Variants in CFAP36 observed in about 807,000 individuals in gnomAD.
The protein encoded by CFAP36 is cilia and flagella associated protein 36, also known as cilia- and flagella-associated protein 36.
A neutral mutation model predicts 50.5 loss-of-function variants in CFAP36; 37 were observed. The ratio of observed to expected loss-of-function variants is 0.73; its 90% confidence interval spans 0.56 to 0.96. CFAP36 has a LOEUF of 0.96. Among genes scored for constraint, CFAP36 ranks in the 50% least tolerant of loss-of-function variants. CFAP36 has a pLI of 0.00. For synonymous variants in CFAP36, 138 were observed against 128.2 expected, an observed-to-expected ratio of 1.08 and a Z score of -0.52; for missense variants, 407 against 396.2, an observed-to-expected ratio of 1.03 and a Z score of -0.23.
At chr2:55,537,663 C>CTT in intron 7 of CFAP36, 78 bp downstream of exon 7, 1 of 894,858 alleles carries the variant, frequency 1.1e-6, no homozygotes, top group Non-Finnish European at 1.7e-6. Flanking sequence ...CTTTCTCATA[C>CTT]TTATTTAACT....
intron 7 of CFAP36, among the ~76,000 whole-genome samples, chr2:55,540,596 T>C (rs1684611834): frequency 1.3e-5 from 2 of 152,204 alleles, no homozygotes; most frequent in South Asian, 4.1e-4. Context: ...TCCATATAAA[T>C]GTTAGAATCT....
Position 55,544,073 on chromosome 2 carries a change from C to T in CFAP36, c.776C>T (p.Ala259Val). Residue 259 changes from alanine to valine, a missense_variant and splice_region_variant, in exon 8 of 10, where the codon GCA becomes GTA. Transcript: ENST00000349456. ...CATGCGAGCATTGAAGGACCAATAG[C>T]AGTAAGTAAACGACATCACTTAAGA... is the stretch of plus-strand genomic sequence containing the variant. ...LEHASIEGPI[A>V]NLSVLGTEEL... is the part of the protein sequence containing the mutation. 1 of 1,613,548 alleles carries T rather than the reference C, an allele frequency of 6.2e-7. No individual in the cohort carries two copies. Among genetic ancestry groups the T allele is most frequent in the Non-Finnish European group, 8.5e-7 (1 of 1,179,870 alleles).
chr2:55,533,694 C>CA (rs67734632), intron 4 of CFAP36, among the ~76,000 whole-genome samples, 179 bp from the exon 5 acceptor site: 376 of 139,990 alleles, frequency 2.7e-3, no homozygotes, highest in African/African-American at 7.9e-3. Flanking sequence ...GACTCTGTCT[C>CA]AAAAAAAAAA....
intron 7 of CFAP36, among the ~76,000 whole-genome samples, chr2:55,541,129 T>C (rs368867390): frequency 6.6e-4 from 101 of 152,146 alleles, no homozygotes; most frequent in African/African-American, 2.0e-3. Flanking sequence ...TTGCGACCAG[T>C]GTGGCCAACA....
chr2:55,527,910 C>T (rs554418425), intron 3 of CFAP36, among the ~76,000 whole-genome samples: 293 of 152,044 alleles, frequency 1.9e-3, no homozygotes, highest in African/African-American at 6.6e-3. Flanking sequence ...TGGCTCATGC[C>T]TATAATTCCA....
At chr2:55,535,084 T>C (rs532902790) in intron 5 of CFAP36, among the ~76,000 whole-genome samples, 15 of 152,334 alleles carry the variant, frequency 9.8e-5, no homozygotes, top group African/African-American at 3.6e-4. Context: ...TGTTGGTTGA[T>C]TGGTGGCCTG....
At chr2:55,543,852 C>T (rs1684702670) in intron 7 of CFAP36, 86 bp from the exon 8 acceptor site, 1 of 1,268,130 alleles carries the variant, frequency 7.9e-7, no homozygotes, top group African/African-American at 1.5e-5. Context: ...GTATTATTAA[C>T]ATTAGCTCAT....
intron 5 of CFAP36, among the ~76,000 whole-genome samples, chr2:55,535,363 T>C (rs1362896530): frequency 3.3e-5 from 5 of 152,210 alleles, no homozygotes; most frequent in South Asian, 2.1e-4. Flanking sequence ...AGGGGTGTAA[T>C]TGATCACTCT....
intron 7 of CFAP36, chr2:55,539,319 T>C (rs1353865705): frequency 6.6e-6 from 1 of 152,410 alleles, no homozygotes; most frequent in Admixed American, 6.5e-5. Context: ...CTTTTACTGT[T>C]TCCACAGTTT....
rs781369745 is a variant in CFAP36, at chr2:55,544,052, C to A, written c.755C>A (p.Ala252Glu). Reference sequence around the variant, plus strand: ...CTGAAGATTCCTGGCTTAGAGCATGCGAGCATTGAAGGACCAATAGCAGTA... The same window carrying A: ...CTGAAGATTCCTGGCTTAGAGCATGAGAGCATTGAAGGACCAATAGCAGTA... Reference protein sequence around the residue: ...KDLKIPGLEHASIEGPIANLS... With the variant: ...KDLKIPGLEHESIEGPIANLS... Residue 252 changes from alanine (A) to glutamate (E), a missense_variant, in exon 8 of 10, where the codon GCG becomes GAG. Ala to Glu is a moderately radical substitution (Grantham distance 107). Transcript: ENST00000349456. 35 of 1,613,716 alleles carry A rather than the reference C, an allele frequency of 2.2e-5. No individual in the cohort carries two copies. Among genetic ancestry groups the A allele is most frequent in the Non-Finnish European group, 2.8e-5 (33 of 1,179,906 alleles).
intron 7 of CFAP36, among the ~76,000 whole-genome samples, chr2:55,541,243 G>A (rs1371424217): frequency 6.6e-6 from 1 of 152,124 alleles, no homozygotes; most frequent in Non-Finnish European, 1.5e-5. Flanking sequence ...AGAATCGCTT[G>A]AACCCGGGAG....
chr2:55,521,589 GTATA>G (rs1000079986), intron 1 of CFAP36, among the ~76,000 whole-genome samples: 1 of 132,086 alleles, frequency 7.6e-6, no homozygotes, highest in African/African-American at 2.7e-5. Context: ...ACAATTAATA[GTATA>G]TATGTGTGTG....
chr2:55,544,959 A>G lies in CFAP36; in HGVS notation c.980A>G (p.Lys327Arg), dbSNP rs1553456134. ...MTAEEKQTLLKRRLLAEKLKE... is the reference protein window; with the variant it reads ...MTAEEKQTLLRRRLLAEKLKE... ...GCAGAGGAGAAGCAAACATTACTAA[A>G]GAGGAGATTGCTTGCAGAGAAACTC... Residue 327 changes from lysine to arginine, a missense_variant, in exon 10 of 10, where the codon AAG (lysine) becomes AGG (arginine). Physicochemically the swap from Lys to Arg is conservative, Grantham distance 26. Coordinates refer to ENST00000349456, the MANE Select transcript of CFAP36 (RefSeq NM_080667.7). The G allele has an allele frequency of 1.9e-6, 3 of 1,607,330 alleles. No homozygotes were observed. The highest frequency in any genetic ancestry group is 1.3e-5 in the African/African-American group (1 of 74,706).
intron 4 of CFAP36, among the ~76,000 whole-genome samples, 196 bp downstream of exon 4, chr2:55,529,188 G>A (rs1320767908): frequency 6.6e-6 from 1 of 152,150 alleles, no homozygotes. Context: ...TTGGGAGGCT[G>A]AGGCGGGCAG....
intron 1 of CFAP36, chr2:55,520,505 C>A (rs1420459082): frequency 1.3e-6 from 2 of 1,517,318 alleles, no homozygotes; most frequent in Non-Finnish European, 1.8e-6. Flanking sequence ...TTCGCTATAC[C>A]AAAAATTGGC....
intron 5 of CFAP36, among the ~76,000 whole-genome samples, chr2:55,534,190 G>T (rs750898042): frequency 6.6e-6 from 1 of 152,112 alleles, no homozygotes. Context: ...TTTTACACCC[G>T]CATCATAGGA....
At chr2:55,523,248 CA>C (rs34360176) in intron 2 of CFAP36, among the ~76,000 whole-genome samples, 110,151 of 140,392 alleles carry the variant, frequency 0.78, 44,172 homozygotes, top group Non-Finnish European at 0.88. Context: ...CCATCTCTAC[CA>C]AAAAAAAAAA....
chr2:55,521,478 G>A (rs1189218030), intron 1 of CFAP36, among the ~76,000 whole-genome samples: 1 of 151,896 alleles, frequency 6.6e-6, no homozygotes, highest in African/African-American at 2.4e-5. Flanking sequence ...TAAAAGTTAT[G>A]AAGAAATTAT....
chr2:55,525,342 A>G (rs1343447638), intron 3 of CFAP36, among the ~76,000 whole-genome samples: 1 of 152,094 alleles, frequency 6.6e-6, no homozygotes, highest in Non-Finnish European at 1.5e-5. Context: ...TCCCCAGAGT[A>G]CCTACTCAGG....
Sources: gnomAD v4.1 joint callset for allele counts (sites outside exome capture counted in the v4.1 genomes callset) on GRCh38, gnomAD v4.1.1 for gene constraint, MANE v1.5 for transcripts, NCBI Gene and HGNC (gene_info 2026-07-23, HGNC 2026-07-21) for gene names.